The following SASH1 variants were observed in gnomAD, a reference collection of about 807,000 sequenced individuals.
The protein encoded by SASH1 is SAM and SH3 domain containing 1, also known as SAM and SH3 domain-containing protein 1.
SASH1 carries 44 observed loss-of-function variants against 125.2 expected under a neutral mutation model. The observed-to-expected ratio is 0.35, with a 90% confidence interval of 0.28 to 0.45. The LOEUF (loss-of-function observed/expected upper bound fraction) is 0.45. Ranked by LOEUF, SASH1 falls within the 20% of genes least tolerant of loss-of-function variation. The pLI is 1.00. For synonymous variants in SASH1, 639 were observed against 649.1 expected (o/e 0.98, Z 0.24); for missense variants, 1,426 against 1,614.5 (o/e 0.88, Z 2.00).
intron 1 of SASH1, among the ~76,000 whole-genome samples, chr6:148,274,433 T>C (rs1779136364): frequency 6.6e-6 from 1 of 152,216 alleles, no homozygotes; most frequent in Admixed American, 6.5e-5. Flanking sequence ...GGGAAGGTTT[T>C]TTCAGGTGCC....
At chr6:148,470,874 G>A (rs919227476) in intron 5 of SASH1, among the ~76,000 whole-genome samples, 1 of 152,102 alleles carries the variant, frequency 6.6e-6, no homozygotes, top group African/African-American at 2.4e-5. Flanking sequence ...AACACTGGGG[G>A]CCAGACCCAG....
chr6:148,367,500 G>C (rs190925174), intron 1 of SASH1, among the ~76,000 whole-genome samples: 1 of 152,238 alleles, frequency 6.6e-6, no homozygotes, highest in African/African-American at 2.4e-5. Context: ...TCTTGTTTAC[G>C]TCCTCGGGCT....
At chr6:148,545,913 T>G in intron 18 of SASH1, 102 bp from the exon 19 acceptor site, 1 of 1,167,352 alleles carries the variant, frequency 8.6e-7, no homozygotes, top group Non-Finnish European at 1.2e-6. Context: ...TGCACTCCAG[T>G]CTAAGTGACA....
At chr6:148,504,665 G>T (rs1218588999) in intron 8 of SASH1, among the ~76,000 whole-genome samples, 1 of 152,030 alleles carries the variant, frequency 6.6e-6, no homozygotes, top group Admixed American at 6.5e-5. Flanking sequence ...CAGGGCTGGG[G>T]AGTCTCAACT....
chr6:148,493,530 A>G (rs1429591851), intron 8 of SASH1, among the ~76,000 whole-genome samples: 1 of 152,242 alleles, frequency 6.6e-6, no homozygotes, highest in Non-Finnish European at 1.5e-5. Context: ...AGGAATGCCC[A>G]GGCCATGAAA....
chr6:148,533,470 G>A lies in SASH1; in HGVS notation c.1735-301G>A, dbSNP rs561285780. On this transcript the variant is annotated intron_variant, in intron 14 of 19. Coordinates refer to ENST00000367467, the MANE Select transcript of SASH1 (RefSeq NM_015278.5). This position sits in a 1 kb window ranked among gnomAD's most constrained non-coding sequence, Gnocchi z 6.2. ...AGGGAAGGCGTTCAGAGTGCCGGGC[G>A]GGCAGCCTGGCTGAGAGCACCAGGG... Among the ~76,000 whole-genome samples the A allele has an allele frequency of 1.4e-4, 22 of 152,262 alleles. No individual in the cohort carries two copies. The highest frequency in any genetic ancestry group is 5.3e-4 in the African/African-American group (22 of 41,556).
upstream of SASH1, among the ~76,000 whole-genome samples, chr6:148,339,153 A>T (rs1478999700): frequency 6.6e-6 from 1 of 152,102 alleles, no homozygotes; most frequent in African/African-American, 2.4e-5. Context: ...TAACACATGG[A>T]AATTGATAAG....
chr6:148,476,687 C>CA (rs1295777461), intron 7 of SASH1, among the ~76,000 whole-genome samples: 2 of 151,336 alleles, frequency 1.3e-5, no homozygotes, highest in African/African-American at 2.4e-5. Context: ...CCCCCAACCC[C>CA]CAAAAAAAGG....
At chr6:148,277,950 C>G (rs1052536858) in intron 1 of SASH1, among the ~76,000 whole-genome samples, 1 of 152,170 alleles carries the variant, frequency 6.6e-6, no homozygotes, top group African/African-American at 2.4e-5. Context: ...CTCCTGACCT[C>G]GTGATTCGCC....
chr6:148,352,196 A>G (rs1441126362), intron 1 of SASH1, among the ~76,000 whole-genome samples: 1 of 152,204 alleles, frequency 6.6e-6, no homozygotes, highest in Admixed American at 6.5e-5. Context: ...CTTACCGGAC[A>G]TGTGACCTGG....
chr6:148,365,835 G>A (rs548590300), intron 1 of SASH1, among the ~76,000 whole-genome samples: 7 of 151,762 alleles, frequency 4.6e-5, no homozygotes, highest in South Asian at 4.2e-4. Flanking sequence ...AAAATTAGCC[G>A]GGCAGGGTAG....
chr6:148,416,159 A>G (rs1365173675), intron 2 of SASH1, among the ~76,000 whole-genome samples: 3 of 152,188 alleles, frequency 2.0e-5, no homozygotes, highest in Non-Finnish European at 2.9e-5. Flanking sequence ...ACTCACCTAT[A>G]TGGACATGAC....
Position 148,494,373 on chromosome 6 carries a change from T to A in SASH1, c.729+6658T>A, listed in dbSNP as rs368844183. 8.5e-5 allele frequency among the ~76,000 whole-genome samples: 13 copies of A among 152,320 alleles called. No homozygotes were observed. The East Asian group carries it at 2.5e-3, about 29-fold the overall frequency. On this transcript the variant is annotated intron_variant, in intron 8 of 19. Transcript: ENST00000367467. ...TTCCAGGAAAAGCTGGAATTGTGTT[T>A]CTGTAGCTGGAGTTCCTTACCAGGA... is the stretch of plus-strand genomic sequence containing the variant.
intron 10 of SASH1, among the ~76,000 whole-genome samples, chr6:148,521,525 TC>T (rs1309460999): frequency 6.6e-6 from 1 of 152,246 alleles, no homozygotes; most frequent in Non-Finnish European, 1.5e-5. Context: ...TCCACATATT[TC>T]CACATGTTGA....
intron 1 of SASH1, among the ~76,000 whole-genome samples, chr6:148,386,367 G>T (rs1783369021): frequency 6.6e-6 from 1 of 152,138 alleles, no homozygotes; most frequent in African/African-American, 2.4e-5. Flanking sequence ...CAGTGGTCTT[G>T]GTTAGTCCAA....
chr6:148,325,642 C>A (rs1204793196), intron 1 of SASH1, among the ~76,000 whole-genome samples: 1 of 152,034 alleles, frequency 6.6e-6, no homozygotes, highest in Non-Finnish European at 1.5e-5. Context: ...ACGGAGGTAA[C>A]CACCCCCATG....
chr6:148,263,244 G>C, the SASH1 span, among the ~76,000 whole-genome samples: 1 of 152,212 alleles, frequency 6.6e-6, no homozygotes, highest in African/African-American at 2.4e-5. Context: ...GGCAGGACAA[G>C]TTTCATGTTC....
chr6:148,328,397 G>A (rs1013540990), intron 1 of SASH1, among the ~76,000 whole-genome samples: 14 of 151,898 alleles, frequency 9.2e-5, no homozygotes, highest in African/African-American at 2.4e-4. Context: ...GTTCGAGACC[G>A]GCCTGGCTAA....
intron 1 of SASH1, among the ~76,000 whole-genome samples, chr6:148,285,424 AC>A (rs1368985414): frequency 6.6e-6 from 1 of 152,242 alleles, no homozygotes; most frequent in Non-Finnish European, 1.5e-5. Context: ...ATAGAACATT[AC>A]TTTACAGAGT....
Sources: gnomAD v4.1 joint callset for allele counts (sites outside exome capture counted in the v4.1 genomes callset) on GRCh38, gnomAD v4.1.1 for gene constraint, Gnocchi (gnomAD v3.1) non-coding constraint, MANE v1.5 for transcripts, NCBI Gene and HGNC (gene_info 2026-07-23, HGNC 2026-07-21) for gene names.